RAB28: variants seen among roughly 807,000 people sequenced by gnomAD.
RAB28 encodes RAB28, member RAS oncogene family.
A neutral mutation model predicts 31.7 loss-of-function variants in RAB28; 24 were observed. The observed-to-expected ratio is 0.76, with a 90% CI of 0.55 to 1.06. RAB28 has a LOEUF of 1.06. RAB28 is among the 50% of genes least tolerant of loss of function. The pLI, the probability that RAB28 is intolerant of heterozygous loss-of-function variation, is 0.00. For missense variants in RAB28, 254 were observed against 258.5 expected (o/e 0.98, Z 0.12); for synonymous variants, 100 against 90.4 (o/e 1.11, Z -0.60).
rs372224970 is a variant in RAB28, at chr4:13,368,655, C to T, written c.574-5G>A. The T allele has an allele frequency of 8.7e-6, 14 of 1,604,190 alleles. No individual in the cohort carries two copies. The African/African-American group carries it at 1.5e-4, about 17-fold the overall frequency. On this transcript the variant is annotated splice_polypyrimidine_tract_variant and splice_region_variant and intron_variant, in intron 6 of 6. Transcript: ENST00000330852. ...AATATCTGCCTTCACCACCCTCTGT[C>T]ATAAAAGAAAACAGAGTTATTATCA...
At chr4:13,457,331 A>C (rs944327697) in intron 4 of RAB28, among the ~76,000 whole-genome samples, 2 of 152,240 alleles carry the variant, frequency 1.3e-5, no homozygotes, top group African/African-American at 4.8e-5. Context: ...TATAACATTA[A>C]TTTGGAAATA....
intron 4 of RAB28, among the ~76,000 whole-genome samples, chr4:13,406,708 A>G (rs1224590587): frequency 6.6e-6 from 1 of 152,188 alleles, no homozygotes; most frequent in Non-Finnish European, 1.5e-5. Flanking sequence ...CTGGCATGAG[A>G]TGGTATCTCA....
At position 13,479,433 on chromosome 4, in the gene RAB28, G is replaced by T; in HGVS notation, c.169C>A (p.Pro57Thr). ...LDFFLRRITL[P>T]GNLNVTLQIW... is the part of the protein sequence containing the mutation. ...TTAAGACTTTTTAGTCTCTTACCTG[G>T]CAATGTTATCCTTCTCAAAAAGAAA... Residue 57 changes from proline (P) to threonine (T), a missense_variant, in exon 2 of 7, where the codon CCA (proline) becomes ACA (threonine). Transcript: ENST00000330852. 1 of 1,583,826 alleles carries T rather than the reference G, an allele frequency of 6.3e-7. No individual in the cohort carries two copies.
intron 4 of RAB28, among the ~76,000 whole-genome samples, chr4:13,446,188 G>T (rs1186680717): frequency 6.6e-6 from 1 of 152,176 alleles, no homozygotes; most frequent in Non-Finnish European, 1.5e-5. Context: ...GCCTACTAAA[G>T]CCACAGTAAT....
chr4:13,450,751 T>C (rs1386719018), intron 4 of RAB28, among the ~76,000 whole-genome samples: 1 of 151,742 alleles, frequency 6.6e-6, no homozygotes. Flanking sequence ...AAAGATGATG[T>C]TGAAGGTGAG....
intron 4 of RAB28, among the ~76,000 whole-genome samples, chr4:13,407,307 A>G (rs982432410): frequency 2.6e-5 from 4 of 152,164 alleles, no homozygotes; most frequent in African/African-American, 9.7e-5. Context: ...CTCAAAGATC[A>G]GATGGTTGTA....
chr4:13,400,989 G>A (rs1177674323), intron 4 of RAB28, among the ~76,000 whole-genome samples: 2 of 152,024 alleles, frequency 1.3e-5, no homozygotes, highest in Non-Finnish European at 2.9e-5. Flanking sequence ...GGAATCTTTT[G>A]TATTTATGTT....
intron 4 of RAB28, among the ~76,000 whole-genome samples, chr4:13,402,672 T>C (rs1272930335): frequency 2.6e-5 from 4 of 152,206 alleles, no homozygotes; most frequent in Non-Finnish European, 2.9e-5. Flanking sequence ...CTTGCTTTTC[T>C]ATCCAATATG....
At chr4:13,469,499 TA>T (rs746308608) in intron 3 of RAB28, among the ~76,000 whole-genome samples, 2 of 152,000 alleles carry the variant, frequency 1.3e-5, no homozygotes, top group African/African-American at 2.4e-5. Flanking sequence ...TTTTATGCCT[TA>T]ACTGCCTTCC....
At chr4:13,482,928 G>A (rs1716677440) in intron 1 of RAB28, among the ~76,000 whole-genome samples, 2 of 152,342 alleles carry the variant, frequency 1.3e-5, no homozygotes, top group South Asian at 4.1e-4. Flanking sequence ...CGTCACCAGA[G>A]AAACCAGGGT....
At chr4:13,474,928 C>T (rs949604180) in intron 2 of RAB28, among the ~76,000 whole-genome samples, 8 of 151,572 alleles carry the variant, frequency 5.3e-5, no homozygotes, top group African/African-American at 1.9e-4. Context: ...TGATTGTCAG[C>T]TACTATCGGA....
At chr4:13,426,952 A>T (rs771319447) in intron 4 of RAB28, among the ~76,000 whole-genome samples, 14 of 152,186 alleles carry the variant, frequency 9.2e-5, no homozygotes, top group Non-Finnish European at 2.1e-4. Flanking sequence ...GCCTAATAAA[A>T]GTTTGGTTTG....
Position 13,447,832 on chromosome 4 carries a change from C to A in RAB28, c.391+12867G>T, listed in dbSNP as rs188112857. Among the ~76,000 whole-genome samples the A allele has an allele frequency of 3.3e-5, 5 of 152,196 alleles. No homozygotes were observed. The South Asian group carries it at 6.2e-4, about 19-fold the overall frequency. ...GAATGATAAAATACAGCCAAAAAGT[C>A]ATCTCTGCAAAAACTAAGAAGACAA... On this transcript the variant is annotated intron_variant, in intron 4 of 6. Transcript: ENST00000330852.
At chr4:13,453,142 A>G (rs1015545355) in intron 4 of RAB28, among the ~76,000 whole-genome samples, 3 of 151,646 alleles carry the variant, frequency 2.0e-5, no homozygotes, top group African/African-American at 7.3e-5. Context: ...CCATCCTTTC[A>G]CTTTCAGTCT....
intron 5 of RAB28, among the ~76,000 whole-genome samples, chr4:13,379,264 G>T (rs951527751): frequency 2.0e-5 from 3 of 149,264 alleles, no homozygotes; most frequent in Non-Finnish European, 3.0e-5. Flanking sequence ...ATAGACTAGG[G>T]ATATAGAGCA....
At chr4:13,447,609 A>T (rs533775787) in intron 4 of RAB28, among the ~76,000 whole-genome samples, 13 of 152,236 alleles carry the variant, frequency 8.5e-5, no homozygotes, top group South Asian at 6.2e-4. Flanking sequence ...AACAATTTAA[A>T]TTTTTTTTAA....
chr4:13,434,396 T>G (rs547186474), intron 4 of RAB28, among the ~76,000 whole-genome samples: 2 of 152,330 alleles, frequency 1.3e-5, no homozygotes, highest in East Asian at 1.9e-4. Flanking sequence ...TAAATTCATA[T>G]GCACCCAACA....
intron 5 of RAB28, among the ~76,000 whole-genome samples, chr4:13,379,486 A>G (rs1399702177): frequency 6.6e-6 from 1 of 152,154 alleles, no homozygotes; most frequent in East Asian, 1.9e-4. Flanking sequence ...ATGCATGGCA[A>G]TGATTTGGAC....
At chr4:13,382,889 G>A (rs1215455567) in intron 4 of RAB28, among the ~76,000 whole-genome samples, 2 of 151,902 alleles carry the variant, frequency 1.3e-5, no homozygotes, top group South Asian at 2.1e-4. Flanking sequence ...TAGTAGAGAT[G>A]GGGTTTCACT....
Sources: allele counts gnomAD v4.1 joint callset (sites outside exome capture counted in the v4.1 genomes callset), GRCh38; gene constraint gnomAD v4.1.1; transcripts MANE v1.5; gene names NCBI Gene and HGNC (gene_info 2026-07-23, HGNC 2026-07-21).